The following MDGA2 variants were observed in gnomAD, a reference collection of about 807,000 sequenced individuals.
The protein encoded by MDGA2 is MAM domain-containing glycosylphosphatidylinositol anchor protein 2.
MDGA2 carries 40 observed loss-of-function variants against 117.8 expected under a neutral mutation model. The ratio of observed to expected loss-of-function variants is 0.34; its 90% CI spans 0.26 to 0.44. MDGA2 has a LOEUF of 0.44. Ranked by LOEUF, MDGA2 falls within the 20% of genes least tolerant of loss-of-function variation. The pLI, the probability that MDGA2 is intolerant of heterozygous loss-of-function variation, is 1.00. For synonymous variants in MDGA2, 452 were observed against 439.0 expected, an observed-to-expected ratio of 1.03 and a Z score of -0.37; for missense variants, 1,123 against 1,250.6, an observed-to-expected ratio of 0.90 and a Z score of 1.54.
chr14:46,949,631 T>C (rs867057571), intron 9 of MDGA2, among the ~76,000 whole-genome samples: 2 of 152,010 alleles, frequency 1.3e-5, no homozygotes, highest in Non-Finnish European at 1.5e-5. Flanking sequence ...TTCTGAGTGA[T>C]TTCACTTAGA....
At position 46,877,149 on chromosome 14, in the gene MDGA2, A is replaced by G. The variant is rs529744858; in HGVS notation, c.2437+340T>C. 1.3e-3 allele frequency among the ~76,000 whole-genome samples: 194 copies of G among 151,778 alleles called. 2 individuals are homozygous for G. The highest frequency in any genetic ancestry group is 4.5e-3 in the African/African-American group (186 of 41,542). On this transcript the variant is annotated intron_variant, in intron 12 of 16. Transcript: ENST00000399232. ...TAGACATTCAAAGAAGGAAAATCAA[A>G]GAAACGTGTAACAACGATAAAAATG... is the stretch of plus-strand genomic sequence containing the variant.
At chr14:46,861,300 T>C (rs1441495841) in intron 14 of MDGA2, among the ~76,000 whole-genome samples, 1 of 151,946 alleles carries the variant, frequency 6.6e-6, no homozygotes, top group Non-Finnish European at 1.5e-5. Flanking sequence ...TATTAATATG[T>C]GTGACTTATC....
chr14:46,933,799 A>AATATATATATATATAT (rs34723414), intron 9 of MDGA2, among the ~76,000 whole-genome samples: 1 of 87,330 alleles, frequency 1.1e-5, no homozygotes, highest in African/African-American at 5.2e-5. Flanking sequence ...TTATGTAACA[A>AATATATATATATATAT]ATATATATAT....
intron 1 of MDGA2, among the ~76,000 whole-genome samples, chr14:47,430,721 A>T (rs1267827742): frequency 6.6e-6 from 1 of 152,134 alleles, no homozygotes; most frequent in East Asian, 1.9e-4. Context: ...AATATTTTTC[A>T]TGGCAATTGA....
chr14:46,936,011 TA>T (rs1884766669), intron 9 of MDGA2, among the ~76,000 whole-genome samples: 1 of 82,782 alleles, frequency 1.2e-5, no homozygotes, highest in African/African-American at 7.3e-5. Flanking sequence ...TAATACTAAA[TA>T]AATAATAATA....
intron 3 of MDGA2, among the ~76,000 whole-genome samples, chr14:47,158,155 A>G (rs1391931443): frequency 6.6e-6 from 1 of 152,198 alleles, no homozygotes; most frequent in East Asian, 1.9e-4. Context: ...TTAGATACAC[A>G]AATATATATC....
Position 47,096,991 on chromosome 14 carries a change from AGAGTC to A in MDGA2, c.1053_1057del (p.Thr352AlafsTer2). 6.2e-7 allele frequency: 1 copy of A among 1,613,410 alleles called. No homozygotes were observed. Among genetic ancestry groups the A allele is most frequent in the Non-Finnish European group, 8.5e-7 (1 of 1,179,506 alleles). On this transcript the variant is annotated frameshift_variant, in exon 6 of 17. Coordinates refer to ENST00000399232, the MANE Select transcript of MDGA2 (RefSeq NM_001113498.3). LOFTEE classifies it high-confidence loss of function. ...TCCATTCAAAACAGTCTTTTCAGGC[AGAGTC>A]CCAAAGGACCTGACCCAGGTGAGAG... is the stretch of plus-strand genomic sequence containing the variant.
chr14:47,434,850 T>C (rs1189048182), intron 1 of MDGA2, among the ~76,000 whole-genome samples: 3 of 152,102 alleles, frequency 2.0e-5, no homozygotes, highest in South Asian at 2.1e-4. Context: ...AAAACCAACA[T>C]TGAGGCTGGG....
At chr14:46,878,853 T>C (rs926530173) in intron 11 of MDGA2, among the ~76,000 whole-genome samples, 3 of 152,052 alleles carry the variant, frequency 2.0e-5, no homozygotes, top group African/African-American at 7.2e-5. Context: ...TTCTAAGATA[T>C]GTTGTATGTA....
intron 1 of MDGA2, among the ~76,000 whole-genome samples, chr14:47,341,598 ATAC>A (rs1329967705): frequency 1.3e-5 from 2 of 152,228 alleles, no homozygotes; most frequent in East Asian, 3.8e-4. Flanking sequence ...TTCTTTGATA[ATAC>A]ATATTTGACT....
At chr14:47,024,973 C>A (rs1467933969) in intron 8 of MDGA2, among the ~76,000 whole-genome samples, 5 of 152,042 alleles carry the variant, frequency 3.3e-5, no homozygotes, top group Non-Finnish European at 7.4e-5. Flanking sequence ...CAAACCCAGA[C>A]ACAAAGCCAA....
At chr14:46,922,819 G>A (rs977227092) in intron 9 of MDGA2, among the ~76,000 whole-genome samples, 1 of 152,168 alleles carries the variant, frequency 6.6e-6, no homozygotes, top group African/African-American at 2.4e-5. Context: ...GCAGCAGCAT[G>A]CCTGATCCAA....
chr14:46,859,888 A>C (rs1231373239), intron 14 of MDGA2, among the ~76,000 whole-genome samples: 4 of 152,110 alleles, frequency 2.6e-5, no homozygotes, highest in Non-Finnish European at 4.4e-5. Flanking sequence ...CATAAATTCT[A>C]ATGAACAGAA....
At chr14:47,602,449 C>T (rs1196119265) in intron 1 of MDGA2, among the ~76,000 whole-genome samples, 1 of 151,076 alleles carries the variant, frequency 6.6e-6, no homozygotes, top group Non-Finnish European at 1.5e-5. Flanking sequence ...GTTTACAGAG[C>T]TCTGAAGCTC....
chr14:47,494,514 C>A (rs1894238071), intron 1 of MDGA2, among the ~76,000 whole-genome samples: 1 of 152,090 alleles, frequency 6.6e-6, no homozygotes, highest in Non-Finnish European at 1.5e-5. Context: ...ATTTCTTTTG[C>A]TGTGCAGAAG....
chr14:47,227,638 C>G (rs1158120046), intron 2 of MDGA2, among the ~76,000 whole-genome samples: 1 of 151,386 alleles, frequency 6.6e-6, no homozygotes, highest in Non-Finnish European at 1.5e-5. Context: ...AATAACTGAG[C>G]CTGAGACACA....
intron 1 of MDGA2, among the ~76,000 whole-genome samples, chr14:47,353,481 T>C (rs1371454833): frequency 6.6e-6 from 1 of 152,202 alleles, no homozygotes; most frequent in East Asian, 1.9e-4. Flanking sequence ...AAAATTTGTA[T>C]GTTGAAGTCC....
At chr14:47,534,555 A>G (rs1355315990) in intron 1 of MDGA2, among the ~76,000 whole-genome samples, 1 of 152,126 alleles carries the variant, frequency 6.6e-6, no homozygotes, top group Non-Finnish European at 1.5e-5. Flanking sequence ...TTACAAAACC[A>G]TCAGATCTCG....
chr14:47,278,068 T>C (rs1888361569), intron 2 of MDGA2, among the ~76,000 whole-genome samples: 1 of 151,906 alleles, frequency 6.6e-6, no homozygotes, highest in African/African-American at 2.4e-5. Context: ...AAGAAAAACC[T>C]CTGAGGTTTA....
Sources: gnomAD v4.1 joint callset for allele counts (sites outside exome capture counted in the v4.1 genomes callset) on GRCh38, gnomAD v4.1.1 for gene constraint, MANE v1.5 for transcripts, NCBI Gene and HGNC (gene_info 2026-07-23, HGNC 2026-07-21) for gene names.